Variants in PRKD1 observed in about 807,000 individuals in gnomAD.
The protein encoded by PRKD1 is serine/threonine-protein kinase D1.
Under a neutral mutation model 95.9 loss-of-function variants are expected in PRKD1, and 63 were observed. The observed-to-expected ratio is 0.66, with a 90% CI of 0.54 to 0.81. The LOEUF is 0.81. Ranked by LOEUF, PRKD1 falls within the 30% of genes least tolerant of loss-of-function variation. PRKD1 has a pLI of 0.00. For synonymous variants in PRKD1, 425 were observed against 423.1 expected, an observed-to-expected ratio of 1.00 and a Z score of -0.05; for missense variants, 1,048 against 1,165.3, an observed-to-expected ratio of 0.90 and a Z score of 1.47.
intron 1 of PRKD1, among the ~76,000 whole-genome samples, chr14:29,853,085 C>T (rs968731375): frequency 1.2e-4 from 19 of 152,052 alleles, no homozygotes; most frequent in Admixed American, 1.1e-3. Context: ...GCAGAAGTAG[C>T]TATATTAATA....
At chr14:29,718,576 T>G (rs898704369) in intron 2 of PRKD1, among the ~76,000 whole-genome samples, 1 of 152,172 alleles carries the variant, frequency 6.6e-6, no homozygotes, top group Non-Finnish European at 1.5e-5. Context: ...AAGACACATT[T>G]AACATAAGCC....
At chr14:29,885,234 T>C (rs184097786) in intron 1 of PRKD1, among the ~76,000 whole-genome samples, 3 of 151,912 alleles carry the variant, frequency 2.0e-5, no homozygotes, top group African/African-American at 7.2e-5. Flanking sequence ...TGGATAAAGA[T>C]ACAGAGGCAA....
chr14:29,659,687 C>G (rs1205482759), intron 4 of PRKD1, among the ~76,000 whole-genome samples: 2 of 152,170 alleles, frequency 1.3e-5, no homozygotes, highest in Non-Finnish European at 2.9e-5. Flanking sequence ...TAGGTCATTA[C>G]AGACTTAACT....
At chr14:29,896,198 T>C (rs930812339) in intron 1 of PRKD1, among the ~76,000 whole-genome samples, 9 of 152,176 alleles carry the variant, frequency 5.9e-5, no homozygotes, top group Non-Finnish European at 1.0e-4. Context: ...CAACATTATT[T>C]AGATGAGAAA....
intron 1 of PRKD1, among the ~76,000 whole-genome samples, chr14:29,876,755 C>T (rs772650482): frequency 6.6e-6 from 1 of 151,702 alleles, no homozygotes; most frequent in East Asian, 1.9e-4. Flanking sequence ...AATCAAAAAC[C>T]AGGCAAAGGA....
At chr14:29,877,321 T>G (rs531086574) in intron 1 of PRKD1, among the ~76,000 whole-genome samples, 6 of 152,334 alleles carry the variant, frequency 3.9e-5, no homozygotes, top group African/African-American at 1.4e-4. Context: ...AACATTATGT[T>G]GCCCAATTTT....
intron 1 of PRKD1, among the ~76,000 whole-genome samples, chr14:29,788,536 T>C (rs1169226931): frequency 6.6e-6 from 1 of 152,344 alleles, no homozygotes; most frequent in East Asian, 1.9e-4. Flanking sequence ...CTTCTCCTTC[T>C]GGAACTAAAA....
At chr14:29,847,848 T>G (rs2139331046) in intron 1 of PRKD1, among the ~76,000 whole-genome samples, 1 of 152,076 alleles carries the variant, frequency 6.6e-6, no homozygotes, top group East Asian at 1.9e-4. Context: ...TACACACACA[T>G]GCATGCATGC....
At chr14:29,815,986 G>A (rs1277454841) in intron 1 of PRKD1, among the ~76,000 whole-genome samples, 9 of 152,140 alleles carry the variant, frequency 5.9e-5, no homozygotes, top group Non-Finnish European at 8.8e-5. Flanking sequence ...TTGGGAGGCC[G>A]AGGTGGGCGG....
At chr14:29,764,919 T>C (rs34636441) in intron 1 of PRKD1, among the ~76,000 whole-genome samples, 26,509 of 152,104 alleles carry the variant, frequency 0.17, 2,477 homozygotes, top group South Asian at 0.23. Context: ...GATTAGGGGA[T>C]CTAATAGGAG....
At chr14:29,640,703 A>G (rs529451413) in intron 4 of PRKD1, among the ~76,000 whole-genome samples, 78 of 152,326 alleles carry the variant, frequency 5.1e-4, no homozygotes, top group African/African-American at 1.8e-3. Flanking sequence ...GGCCTGTTTT[A>G]AGCATAGACT....
chr14:29,830,998 T>TA (rs1477664807), intron 1 of PRKD1, among the ~76,000 whole-genome samples: 1 of 152,218 alleles, frequency 6.6e-6, no homozygotes, highest in African/African-American at 2.4e-5. Context: ...ACTTATTTTC[T>TA]AAAATAAGTC....
intron 1 of PRKD1, among the ~76,000 whole-genome samples, chr14:29,773,291 C>T (rs1350982930): frequency 6.6e-6 from 1 of 151,904 alleles, no homozygotes; most frequent in East Asian, 1.9e-4. Flanking sequence ...CAAAACCCCA[C>T]TCTACTAAAA....
chr14:29,854,144 G>A (rs567195819), intron 1 of PRKD1, among the ~76,000 whole-genome samples: 11 of 152,316 alleles, frequency 7.2e-5, no homozygotes, highest in Non-Finnish European at 1.5e-4. Flanking sequence ...GGGTGCTGCT[G>A]AAAAGATACC....
At chr14:29,793,204 G>C (rs1889626193) in intron 1 of PRKD1, among the ~76,000 whole-genome samples, 1 of 151,594 alleles carries the variant, frequency 6.6e-6, no homozygotes, top group Non-Finnish European at 1.5e-5. Flanking sequence ...TGTTTCTAAA[G>C]AATAGAGAAT....
chr14:29,831,308 T>C (rs997464576), intron 1 of PRKD1, among the ~76,000 whole-genome samples: 2 of 152,116 alleles, frequency 1.3e-5, no homozygotes, highest in Admixed American at 6.6e-5. Flanking sequence ...GGAAGAAACA[T>C]TTAAGATGAG....
Position 29,577,001 on chromosome 14 carries a change from C to A in PRKD1, c.*237G>T, listed in dbSNP as rs553828358. Reference sequence around the variant, plus strand: ...CATTAAATATAACATGAATCATTCACAATAACAAGTTTCGTGTTTCAGGGA... The same window carrying A: ...CATTAAATATAACATGAATCATTCAAAATAACAAGTTTCGTGTTTCAGGGA... On this transcript the variant is annotated 3_prime_UTR_variant, in exon 18 of 18. Transcript: ENST00000331968. 6.0e-5 allele frequency: 33 copies of A among 554,474 alleles called. No individual in the cohort carries two copies. In the Admixed American group the frequency reaches 8.6e-4, roughly 14 times the overall value. The allele number at this position is 554,474 out of a possible 1,614,324, so 34.3% of individuals were successfully genotyped here. A position where few individuals can be genotyped will look rare whatever the true frequency, so the allele number is the denominator to read the frequency against.
chr14:29,925,359 T>C (rs182952683), intron 1 of PRKD1, among the ~76,000 whole-genome samples: 116 of 152,324 alleles, frequency 7.6e-4, no homozygotes, highest in African/African-American at 2.7e-3. Flanking sequence ...GTCCTTGGTA[T>C]GATGTCGCTA....
At chr14:29,677,257 T>C (rs1297402259) in intron 2 of PRKD1, among the ~76,000 whole-genome samples, 1 of 152,268 alleles carries the variant, frequency 6.6e-6, no homozygotes, top group Non-Finnish European at 1.5e-5. Context: ...AACATATTAT[T>C]AATTTTATTT....
Sources: allele counts gnomAD v4.1 joint callset (sites outside exome capture counted in the v4.1 genomes callset), GRCh38; gene constraint gnomAD v4.1.1; transcripts MANE v1.5; gene names NCBI Gene and HGNC (gene_info 2026-07-23, HGNC 2026-07-21).